The following ELAC1 variants were observed in gnomAD, a reference collection of about 807,000 sequenced individuals.
ELAC1 encodes zinc phosphodiesterase ELAC protein 1.
In ELAC1, 19 loss-of-function variants were observed where a neutral mutation model predicts 25.8. The ratio of observed to expected loss-of-function variants is 0.74; its 90% CI spans 0.51 to 1.08. ELAC1 has a LOEUF of 1.08. Ranked by LOEUF, ELAC1 falls within the 50% of genes least tolerant of loss-of-function variation. The pLI, the probability that ELAC1 is intolerant of heterozygous loss-of-function variation, is 0.00. For synonymous variants in ELAC1, 148 were observed against 160.9 expected, an observed-to-expected ratio of 0.92 and a Z score of 0.61; for missense variants, 403 against 434.6, an observed-to-expected ratio of 0.93 and a Z score of 0.65.
intron 2 of ELAC1, among the ~76,000 whole-genome samples, chr18:50,978,418 C>A (rs2144314652): frequency 6.6e-6 from 1 of 152,282 alleles, no homozygotes; most frequent in African/African-American, 2.4e-5. Flanking sequence ...AAGGCAAAGG[C>A]AAAGGTATGT....
rs762873693 is a variant in ELAC1 at position 50,984,293 on chromosome 18, G to A, written c.355G>A (p.Val119Met). ...LSHTELVFHY[V>M]VHELVPTADQ... ...TCACACGGAGCTGGTCTTCCATTATGTGGTTCATGAACTGGTTCCTACAGC... is the reference window on the plus strand; with the variant it reads ...TCACACGGAGCTGGTCTTCCATTATATGGTTCATGAACTGGTTCCTACAGC... Residue 119 changes from valine to methionine, a missense_variant, in exon 3 of 4, where the codon GTG (valine) becomes ATG (methionine). By Grantham distance (21) the Val-to-Met change is conservative. Coordinates refer to ENST00000269466, the MANE Select transcript of ELAC1 (RefSeq NM_018696.3). The A allele has an allele frequency of 6.2e-7, 1 of 1,614,170 alleles. No homozygotes were observed. Among genetic ancestry groups the A allele is most frequent in the Admixed American group, 1.7e-5 (1 of 60,020 alleles).
At position 50,974,497 on chromosome 18, in the gene ELAC1, G is replaced by A. The variant is rs1282382807; in HGVS notation, c.93G>A (p.Glu31=). The A allele has an allele frequency of 3.7e-6, 6 of 1,612,700 alleles. No individual in the cohort carries two copies. The highest frequency in any genetic ancestry group is 3.3e-5 in the South Asian group (3 of 90,948). Residue 31 remains glutamate (E), a synonymous_variant, in exon 2 of 4, where the codon GAG becomes GAA. Transcript: ENST00000269466. ...CTGTGGTCCTTCGGTGTGAAGGCGA[G>A]TGCTGGCTCTTTGACTGTGGGGAGG... ...ASAVVLRCEG[E]CWLFDCGEGT...
At chr18:50,969,798 T>G (rs894683706) in intron 1 of ELAC1, 1 of 152,234 alleles carries the variant, frequency 6.6e-6, no homozygotes, top group African/African-American at 2.4e-5. Context: ...GTGTATGGCA[T>G]TGCATTATGC....
chr18:50,986,514 TATG>T lies in ELAC1; in HGVS notation c.626-104_626-102del, dbSNP rs1290232122. On this transcript the variant is annotated intron_variant, in intron 3 of 3. Coordinates refer to ENST00000269466, the MANE Select transcript of ELAC1 (RefSeq NM_018696.3). ...CAAGTAGTAAAACATTTATAACAAT[TATG>T]GATGCCTTTTCCATTAGCTATTTGC... 247 of 864,512 alleles carry T rather than the reference TATG, an allele frequency of 2.9e-4. 1 individual carries two copies. Among genetic ancestry groups the T allele is most frequent in the Non-Finnish European group, 4.1e-4 (230 of 559,848 alleles). 53.6% of individuals were successfully genotyped at this position (864,512 alleles called of 1,614,324 possible). A position where few individuals can be genotyped will look rare whatever the true frequency, so the allele number is the denominator to read the frequency against.
intron 1 of ELAC1, among the ~76,000 whole-genome samples, chr18:50,971,906 GTGTGTGTATATATATA>G (rs1568184852): frequency 9.2e-6 from 1 of 108,464 alleles, no homozygotes; most frequent in African/African-American, 3.5e-5. Flanking sequence ...ATGTGTGTGT[GTGTGTGTATATATATA>G]TATATATATA....
At chr18:50,979,783 G>A (rs1159062965) in intron 2 of ELAC1, among the ~76,000 whole-genome samples, 1 of 152,100 alleles carries the variant, frequency 6.6e-6, no homozygotes, top group African/African-American at 2.4e-5. Context: ...CTGGAGTGCA[G>A]TGGTGCGATC....
intron 3 of ELAC1, 27 bp from the exon 4 acceptor site, chr18:50,986,592 T>C: frequency 6.6e-7 from 1 of 1,525,714 alleles, no homozygotes; most frequent in Non-Finnish European, 8.9e-7. Flanking sequence ...ATTCCTATGA[T>C]GTAATGTTAT....
chr18:50,974,965 A>T (rs1907764721), intron 2 of ELAC1, among the ~76,000 whole-genome samples: 1 of 152,154 alleles, frequency 6.6e-6, no homozygotes, highest in Admixed American at 6.5e-5. Context: ...TCTTGGGGTT[A>T]TCAGGGTAAA....
In ELAC1 at chr18:50,974,385, T is replaced by C; in HGVS notation, c.-8-12T>C. ...GATATGAAATAATCCCCAGATGATC[T>C]TTCTGTTGCAGGGTGGAAGATGTCT... On this transcript the variant is annotated splice_polypyrimidine_tract_variant and intron_variant, in intron 1 of 3. Transcript: ENST00000269466. 1 of 1,511,072 alleles carries C rather than the reference T, an allele frequency of 6.6e-7. No individual in the cohort carries two copies. Among genetic ancestry groups the C allele is most frequent in the East Asian group, 2.3e-5 (1 of 42,908 alleles). 93.6% of individuals were successfully genotyped at this position (1,511,072 alleles called of 1,614,324 possible). A position where few individuals can be genotyped will look rare whatever the true frequency, so the allele number is the denominator to read the frequency against.
intron 1 of ELAC1, among the ~76,000 whole-genome samples, chr18:50,971,264 A>C (rs1907643881): frequency 6.6e-6 from 1 of 152,222 alleles, no homozygotes; most frequent in African/African-American, 2.4e-5. Flanking sequence ...CCGAAAGCCT[A>C]ATCGCAATTC....
At position 50,984,084 on chromosome 18, in the gene ELAC1, C is replaced by T; in HGVS notation, c.158-12C>T. 6.5e-7 allele frequency: 1 copy of T among 1,549,772 alleles called. No homozygotes were observed. Among genetic ancestry groups the T allele is most frequent in the Non-Finnish European group, 8.7e-7 (1 of 1,146,728 alleles). ...AAAATTTCCAAACGTATTTCTCTAT[C>T]TCAATCAAAAGGGAGAATTACCAAG... On this transcript the variant is annotated splice_polypyrimidine_tract_variant and intron_variant, in intron 2 of 3. Transcript: ENST00000269466.
chr18:50,968,487 G>A (rs1445891363), intron 1 of ELAC1: 1 of 152,308 alleles, frequency 6.6e-6, no homozygotes, highest in African/African-American at 2.4e-5. Flanking sequence ...GTGATTGCAG[G>A]GTTGACACTG....
intron 3 of ELAC1, among the ~76,000 whole-genome samples, chr18:50,986,124 A>G (rs1165537576): frequency 2.0e-5 from 3 of 150,158 alleles, no homozygotes; most frequent in Non-Finnish European, 4.4e-5. Flanking sequence ...GGTTAAAGCA[A>G]TTCTTGTGCC....
chr18:50,970,348 C>T (rs1907619173), intron 1 of ELAC1, among the ~76,000 whole-genome samples: 1 of 152,210 alleles, frequency 6.6e-6, no homozygotes, highest in Admixed American at 6.5e-5. Context: ...TTAGGGATGA[C>T]AAAGTGATTA....
chr18:50,980,651 T>C (rs1907920376), intron 2 of ELAC1, among the ~76,000 whole-genome samples: 1 of 149,350 alleles, frequency 6.7e-6, no homozygotes, highest in Non-Finnish European at 1.5e-5. Context: ...TAAACCCAGC[T>C]ACTTGGGAGG....
At chr18:50,977,479 C>T (rs978702303) in intron 2 of ELAC1, among the ~76,000 whole-genome samples, 1 of 152,240 alleles carries the variant, frequency 6.6e-6, no homozygotes, top group Admixed American at 6.5e-5. Context: ...TACCTTGGCC[C>T]CTTTAAGCCA....
intron 3 of ELAC1, 66 bp downstream of exon 3, chr18:50,984,629 C>A: frequency 1.7e-6 from 2 of 1,200,806 alleles, no homozygotes; most frequent in Non-Finnish European, 2.4e-6. Flanking sequence ...TTGACTGAAG[C>A]TATAAGAAAT....
chr18:50,986,011 CTTTTTT>C (rs34348056), intron 3 of ELAC1, among the ~76,000 whole-genome samples: 2 of 85,008 alleles, frequency 2.4e-5, no homozygotes, highest in East Asian at 4.0e-4. Flanking sequence ...TTGATTATAT[CTTTTTT>C]TTTTTTTTTT....
chr18:50,974,820 G>A (rs1376549279), intron 2 of ELAC1, among the ~76,000 whole-genome samples: 2 of 152,122 alleles, frequency 1.3e-5, no homozygotes, highest in African/African-American at 2.4e-5. Flanking sequence ...GAAATGTCGT[G>A]GGATACACCA....
Sources: gnomAD v4.1 joint callset for allele counts (sites outside exome capture counted in the v4.1 genomes callset) on GRCh38, gnomAD v4.1.1 for gene constraint, MANE v1.5 for transcripts, NCBI Gene and HGNC (gene_info 2026-07-23, HGNC 2026-07-21) for gene names.